The following MAX variants were observed in gnomAD, a reference collection of about 807,000 sequenced individuals.
MAX encodes MYC associated transcriptional regulator X.
A neutral mutation model predicts 22.3 loss-of-function variants in MAX; 3 were observed. That is an observed-to-expected ratio of 0.13 (90% CI 0.06 to 0.35). The LOEUF (loss-of-function observed/expected upper bound fraction) is 0.35, where lower values mean the gene tolerates loss of function less well. MAX is among the 10% of genes least tolerant of loss of function. The pLI, the probability that MAX is intolerant of heterozygous loss-of-function variation, is 1.00. For synonymous variants in MAX, 72 were observed against 77.7 expected, an observed-to-expected ratio of 0.93 and a Z score of 0.39; for missense variants, 119 against 209.4, an observed-to-expected ratio of 0.57 and a Z score of 2.66.
Position 65,076,144 on chromosome 14 carries a change from G to A in MAX, c.*332C>T. On this transcript the variant is annotated 3_prime_UTR_variant, in exon 5 of 5. Coordinates refer to ENST00000358664, the MANE Select transcript of MAX (RefSeq NM_002382.5). This position sits in a 1 kb window ranked among gnomAD's most constrained non-coding sequence, Gnocchi z 6.6. ...CCGGCAGGGCTGGAGGAGCTGGTAG[G>A]GTGGGCAGGACACTATGTGCTCAGA... is the stretch of plus-strand genomic sequence containing the variant. 7.5e-7 allele frequency: 1 copy of A among 1,324,552 alleles called. No homozygotes were observed. The highest frequency in any genetic ancestry group is 9.6e-7 in the Non-Finnish European group (1 of 1,036,622). 82.0% of individuals were successfully genotyped at this position (1,324,552 alleles called of 1,614,324 possible).
At chr14:65,025,087 G>A (rs985762809) in intron 3 of MAX, among the ~76,000 whole-genome samples, 2 of 152,166 alleles carry the variant, frequency 1.3e-5, no homozygotes, top group Non-Finnish European at 2.9e-5. Flanking sequence ...TCTGTAATAC[G>A]GAAGTGTCTG....
Position 65,036,243 on chromosome 14 carries a change from T to A in MAX, c.172-29959A>T, listed in dbSNP as rs78689521. On this transcript the variant is annotated intron_variant, in intron 3 of 3. Transcript: ENST00000341653. The stretch of plus-strand genomic sequence containing the variant: ...TGAATTTAATTAATTTAATTTAATT[T>A]ATTTATTTTTTGAAAGAGGGTCTCA... Among the ~76,000 whole-genome samples, 1,135 of 152,156 alleles carry A rather than the reference T, an allele frequency of 7.5e-3. 21 individuals carry two copies. The highest frequency in any genetic ancestry group is 0.044 in the East Asian group (226 of 5,164).
In MAX at chr14:65,023,084, G is replaced by T. The variant is rs556083749; in HGVS notation, c.172-16800C>A. On this transcript the variant is annotated intron_variant, in intron 3 of 3. Transcript: ENST00000341653. The surrounding 1 kb of genome is among the most constrained non-coding windows in gnomAD (Gnocchi z 4.1). ...ACATTGATTAATTGATTGAGACAGG[G>T]TCTCACTCTATTGTCTGGGCTGGAA... is the stretch of plus-strand genomic sequence containing the variant. Among the ~76,000 whole-genome samples the T allele has an allele frequency of 6.6e-6, 1 of 152,276 alleles. No homozygotes were observed. Among genetic ancestry groups the T allele is most frequent in the East Asian group, 1.9e-4 (1 of 5,184 alleles).
At chr14:65,020,906 A>G (rs953667187) in intron 3 of MAX, among the ~76,000 whole-genome samples, 4 of 146,840 alleles carry the variant, frequency 2.7e-5, no homozygotes, top group Non-Finnish European at 6.0e-5. Context: ...TAATTTTTGT[A>G]TTTTGTAAAG....
At chr14:65,051,309 T>G (rs2062602942) in intron 3 of MAX, among the ~76,000 whole-genome samples, 2 of 152,238 alleles carry the variant, frequency 1.3e-5, no homozygotes, top group African/African-American at 4.8e-5. Context: ...ATTGTCTGTT[T>G]GAAATATTCA....
upstream of MAX, chr14:65,102,628 C>T (rs2063885600): frequency 8.2e-7 from 1 of 1,213,234 alleles, no homozygotes; most frequent in Non-Finnish European, 1.0e-6. Context: ...TAACAGACGG[C>T]CCGGGTAGCT....
chr14:65,101,483 C>G, intron 2 of MAX, 63 bp downstream of exon 2: 1 of 1,408,716 alleles, frequency 7.1e-7, no homozygotes, highest in Non-Finnish European at 9.9e-7. Flanking sequence ...CTTTTTCTCT[C>G]TGACCCCAAA....
rs1022566421 is a variant in MAX at position 65,027,266 on chromosome 14, A to G, written c.172-20982T>C. The stretch of plus-strand genomic sequence containing the variant: ...GAAACTCAGAGGAGGGCAGACAGAA[A>G]TGATGATAGCTGGAGAGAGAATTAA... On this transcript the variant is annotated intron_variant, in intron 3 of 3. Transcript: ENST00000341653. This position sits in a 1 kb window ranked among gnomAD's most constrained non-coding sequence, Gnocchi z 5.7. 2 of 891,704 alleles carry G rather than the reference A, an allele frequency of 2.2e-6. No individual in the cohort carries two copies. The highest frequency in any genetic ancestry group is 1.7e-5 in the African/African-American group (1 of 59,566). The allele number at this position is 891,704 out of a possible 1,614,324, so 55.2% of individuals were successfully genotyped here. A position where few individuals can be genotyped will look rare whatever the true frequency, so the allele number is the denominator to read the frequency against.
chr14:65,101,596 A>AG, intron 1 of MAX, 24 bp from the exon 2 acceptor site: 1 of 1,559,206 alleles, frequency 6.4e-7, no homozygotes, highest in Non-Finnish European at 8.8e-7. Context: ...GAAAAAAAAA[A>AG]ATAGAAAATA....
intron 3 of MAX, among the ~76,000 whole-genome samples, chr14:65,010,521 A>G (rs1184819784): frequency 6.6e-6 from 1 of 152,214 alleles, no homozygotes; most frequent in Non-Finnish European, 1.5e-5. Context: ...AGTAGCCCCA[A>G]CTGGGTCAGC....
intron 3 of MAX, among the ~76,000 whole-genome samples, chr14:65,086,523 C>T (rs1355560693): frequency 6.6e-6 from 1 of 152,196 alleles, no homozygotes; most frequent in Non-Finnish European, 1.5e-5. Context: ...GCAAAGGTGA[C>T]TCCTGTTACG....
Position 65,032,544 on chromosome 14 carries a change from G to T in MAX, c.172-26260C>A. 1 of 1,579,116 alleles carries T rather than the reference G, an allele frequency of 6.3e-7. No individual in the cohort carries two copies. Among genetic ancestry groups the T allele is most frequent in the Non-Finnish European group, 8.6e-7 (1 of 1,161,646 alleles). ...TAGGCAAGGCGAGCAGTCCGCCCGC[G>T]GAGTTCACTGAGCCTCATTAGCTCT... On this transcript the variant is annotated intron_variant, in intron 3 of 3. Coordinates refer to the MAX transcript ENST00000341653. The surrounding 1 kb of genome is among the most constrained non-coding windows in gnomAD (Gnocchi z 5.0).
In MAX at chr14:65,069,035, A is replaced by G. The variant is rs2062959569; in HGVS notation, c.171+24673T>C. Among the ~76,000 whole-genome samples the G allele has an allele frequency of 6.6e-6, 1 of 152,102 alleles. No individual in the cohort carries two copies. The highest frequency in any genetic ancestry group is 2.1e-4 in the South Asian group (1 of 4,832). ...TCCCAGGTGTGCTGAACAGAGAGGT[A>G]GCCAGGTAAGGCAGATGCCGATGGT... On this transcript the variant is annotated intron_variant, in intron 3 of 3. Transcript: ENST00000341653. The surrounding 1 kb of genome is among the most constrained non-coding windows in gnomAD (Gnocchi z 4.6).
At position 65,029,484 on chromosome 14, in the gene MAX, C is replaced by T. The variant is rs2062040596; in HGVS notation, c.172-23200G>A. Among the ~76,000 whole-genome samples, 1 of 152,220 alleles carries T rather than the reference C, an allele frequency of 6.6e-6. No homozygotes were observed. The highest frequency in any genetic ancestry group is 2.1e-4 in the South Asian group (1 of 4,834). On this transcript the variant is annotated intron_variant, in intron 3 of 3. Coordinates refer to the MAX transcript ENST00000341653. This position sits in a 1 kb window ranked among gnomAD's most constrained non-coding sequence, Gnocchi z 4.7. ...GCTGATAGTTTCAGAGATGAGCCTACTCAAGGGTCTGTAGTTCCAGTGTAT... is the reference window on the plus strand; with the variant it reads ...GCTGATAGTTTCAGAGATGAGCCTATTCAAGGGTCTGTAGTTCCAGTGTAT...
chr14:65,063,610 G>A (rs2062900088), intron 3 of MAX, among the ~76,000 whole-genome samples: 2 of 152,180 alleles, frequency 1.3e-5, no homozygotes, highest in South Asian at 4.1e-4. Flanking sequence ...ATGCACCCAG[G>A]CTGGAGTGCA....
At position 65,061,141 on chromosome 14, in the gene MAX, C is replaced by T. The variant is rs149967784; in HGVS notation, c.171+32567G>A. ...AAGGATGTGTTATGTTTTCAAGGAC[C>T]ACCGGGGTGATTAACTGGCACCTTT... On this transcript the variant is annotated intron_variant, in intron 3 of 3. Coordinates refer to the MAX transcript ENST00000341653. 7.9e-5 allele frequency: 128 copies of T among 1,611,590 alleles called. No homozygotes were observed. The African/African-American group carries it at 1.4e-3, about 18-fold the overall frequency.
In MAX at chr14:65,062,633, T is replaced by TAAAAG. The variant is rs2062885933; in HGVS notation, c.171+31070_171+31074dup. On this transcript the variant is annotated intron_variant, in intron 3 of 3. Coordinates refer to the MAX transcript ENST00000341653. This position sits in a 1 kb window ranked among gnomAD's most constrained non-coding sequence, Gnocchi z 4.3. ...GCTATGTATTACCTCCTTGAAATAA[T>TAAAAG]AAAAGAATAACATTTTCTATGATGT... The TAAAAG allele has an allele frequency of 6.6e-6, 1 of 152,606 alleles. No individual in the cohort carries two copies. Among genetic ancestry groups the TAAAAG allele is most frequent in the African/African-American group, 2.4e-5 (1 of 41,450 alleles). The allele number at this position is 152,606 out of a possible 1,614,324, so 9.5% of individuals were successfully genotyped here.
At chr14:65,048,438 T>C (rs765693537) in intron 3 of MAX, among the ~76,000 whole-genome samples, 4 of 152,194 alleles carry the variant, frequency 2.6e-5, no homozygotes, top group Non-Finnish European at 5.9e-5. Flanking sequence ...ATGCTCTACA[T>C]AGTGCAGCAC....
downstream of MAX, among the ~76,000 whole-genome samples, chr14:65,074,561 G>C (rs2139725913): frequency 6.6e-6 from 1 of 152,370 alleles, no homozygotes; most frequent in South Asian, 2.1e-4. Flanking sequence ...CAGCCAGACA[G>C]GAAAACCAAC....
Sources: gnomAD v4.1 joint callset for allele counts (sites outside exome capture counted in the v4.1 genomes callset) on GRCh38, gnomAD v4.1.1 for gene constraint, Gnocchi (gnomAD v3.1) non-coding constraint, MANE v1.5 for transcripts, NCBI Gene and HGNC (gene_info 2026-07-23, HGNC 2026-07-21) for gene names.